TDRKH: variants seen among roughly 807,000 people sequenced by gnomAD.
The protein encoded by TDRKH is tudor and KH domain containing, also known as tudor and KH domain-containing protein.
In TDRKH, 28 loss-of-function variants were observed where a neutral mutation model predicts 61.3. The ratio of observed to expected loss-of-function variants is 0.46; its 90% CI spans 0.34 to 0.63. The LOEUF (loss-of-function observed/expected upper bound fraction) is 0.63, where lower values mean the gene tolerates loss of function less well. Among genes scored for constraint, TDRKH ranks in the 20% least tolerant of loss-of-function variants. The probability of loss-of-function intolerance (pLI) is 0.01; values close to 1 mark genes in which losing one functional copy is unlikely to be tolerated. For missense variants in TDRKH, 540 were observed against 683.4 expected (o/e 0.79, Z 2.34); for synonymous variants, 219 against 244.4 (o/e 0.90, Z 0.97).
At chr1:151,770,971 T>A (rs1180732742), downstream of TDRKH, 1 of 1,473,734 alleles carries the variant, frequency 6.8e-7, no homozygotes, top group Non-Finnish European at 9.0e-7. Context: ...ATGCCTGCAC[T>A]ACACTGCTTC....
chr1:151,786,817 G>A (rs1650358121), intron 1 of TDRKH, among the ~76,000 whole-genome samples: 1 of 152,130 alleles, frequency 6.6e-6, no homozygotes, highest in African/African-American at 2.4e-5. Context: ...TCTATTTTGG[G>A]TCATTAGTTA....
intron 2 of TDRKH, chr1:151,781,857 A>C: frequency 2.2e-6 from 1 of 452,160 alleles, no homozygotes. Flanking sequence ...GTTTGGGCAA[A>C]CTACTTCTCC....
chr1:151,786,042 C>T (rs188193630), intron 1 of TDRKH, among the ~76,000 whole-genome samples: 3 of 152,178 alleles, frequency 2.0e-5, no homozygotes, highest in Admixed American at 2.0e-4. Context: ...ATGTATTTCA[C>T]CCTGGGGGGA....
chr1:151,778,615 C>T, intron 6 of TDRKH, 70 bp downstream of exon 6: 1 of 1,601,888 alleles, frequency 6.2e-7, no homozygotes, highest in South Asian at 1.1e-5. Context: ...GGCATTCCTT[C>T]TAATCTCTCC....
At chr1:151,766,970 G>A, downstream of TDRKH, 1 of 1,425,762 alleles carries the variant, frequency 7.0e-7, no homozygotes, top group Non-Finnish European at 9.7e-7. Flanking sequence ...TTTCCCAAAT[G>A]GCAAGAAATA....
chr1:151,766,672 C>T (rs1475908410), downstream of TDRKH: 1 of 1,550,022 alleles, frequency 6.5e-7, no homozygotes, highest in Admixed American at 2.0e-5. Context: ...AAACCTCTGC[C>T]ACCCACCTGT....
At chr1:151,782,576 G>T (rs1286024783) in intron 2 of TDRKH, among the ~76,000 whole-genome samples, 2 of 152,162 alleles carry the variant, frequency 1.3e-5, no homozygotes. Context: ...CAGGTGGGTT[G>T]CTTGAGCTCA....
chr1:151,772,990 A>G (rs181084414), downstream of TDRKH, among the ~76,000 whole-genome samples: 10 of 151,608 alleles, frequency 6.6e-5, no homozygotes, highest in East Asian at 1.9e-3. Flanking sequence ...CAGCCTCCCA[A>G]ATAGCTGGGA....
At position 151,773,990 on chromosome 1, in the gene TDRKH, T is replaced by C. The variant is rs939902319; in HGVS notation, c.*462A>G. 6 of 159,348 alleles carry C rather than the reference T, an allele frequency of 3.8e-5. No individual in the cohort carries two copies. The highest frequency in any genetic ancestry group is 1.9e-4 in the Admixed American group (3 of 16,210). The allele number at this position is 159,348 out of a possible 1,614,324, so 9.9% of individuals were successfully genotyped here. On this transcript the variant is annotated 3_prime_UTR_variant, in exon 13 of 13. Coordinates refer to ENST00000368824, the MANE Select transcript of TDRKH (RefSeq NM_001083965.2). ...CTGGTAGAGGGGACTGAGCCTGACG[T>C]TGAACGGCCTGGAAGTAACACAGCA... is the stretch of plus-strand genomic sequence containing the variant.
downstream of TDRKH, chr1:151,770,188 G>T (rs762413074): frequency 6.2e-7 from 1 of 1,613,892 alleles, no homozygotes; most frequent in Admixed American, 1.7e-5. Context: ...TGCAACCCTG[G>T]AGTACGTGGA....
chr1:151,786,770 C>T (rs930089986), intron 1 of TDRKH, among the ~76,000 whole-genome samples: 6 of 152,172 alleles, frequency 3.9e-5, no homozygotes, highest in Admixed American at 1.3e-4. Flanking sequence ...TTTTACTACC[C>T]GAGGTGGGGG....
chr1:151,777,719 A>ATTTTT (rs35582886), intron 6 of TDRKH, among the ~76,000 whole-genome samples: 102 of 129,708 alleles, frequency 7.9e-4, no homozygotes, highest in African/African-American at 2.3e-3. Context: ...AAAATAGTTA[A>ATTTTT]TTTTTTTTTT....
chr1:151,781,625 A>T (rs1649828473), intron 2 of TDRKH, 38 bp from the exon 3 acceptor site: 1 of 1,591,414 alleles, frequency 6.3e-7, no homozygotes, highest in African/African-American at 1.3e-5. Flanking sequence ...GACTTAGATA[A>T]CACCCAAAGC....
In TDRKH at chr1:151,778,608, A is replaced by T. The variant is rs781143770; in HGVS notation, c.883+77T>A. Reference sequence around the variant, plus strand: ...TACTGGCTGCTCAGACTGAGAAGGCATTCCTTCTAATCTCTCCAATATCTA... The same window carrying T: ...TACTGGCTGCTCAGACTGAGAAGGCTTTCCTTCTAATCTCTCCAATATCTA... On this transcript the variant is annotated intron_variant, in intron 6 of 12. Coordinates refer to ENST00000368824, the MANE Select transcript of TDRKH (RefSeq NM_001083965.2). 5.4e-5 allele frequency: 85 copies of T among 1,587,830 alleles called. No individual in the cohort carries two copies. In the South Asian group the frequency reaches 6.5e-4, roughly 12 times the overall value.
chr1:151,781,888 A>G (rs1649851300), intron 2 of TDRKH: 1 of 449,994 alleles, frequency 2.2e-6, no homozygotes, highest in Non-Finnish European at 4.2e-6. Flanking sequence ...CTACTGGAGA[A>G]GAATGAAGGC....
chr1:151,783,016 T>C lies in TDRKH; in HGVS notation c.7A>G (p.Thr3Ala), dbSNP rs1229546266. Residue 3 changes from threonine (T) to alanine (A), a missense_variant, in exon 2 of 13, where the codon ACT becomes GCT. Around this residue, in one of 3 missense-constraint regions of TDRKH, gnomAD observed 156 missense variants for 218.0 expected, o/e 0.72. Transcript: ENST00000368824. ...AGGCTTGTCCAAGAAGTCCGTTCAG[T>C]AGACATTTTCTGCTGTACTCTTTGA... is the stretch of plus-strand genomic sequence containing the variant. MS[T>A]ERTSWTSLST... is the part of the protein sequence containing the mutation. 4 of 1,612,794 alleles carry C rather than the reference T, an allele frequency of 2.5e-6. No homozygotes were observed. The highest frequency in any genetic ancestry group is 3.3e-5 in the Admixed American group (2 of 59,750).
Position 151,785,234 on chromosome 1 carries a change from G to A in TDRKH, c.-27-2185C>T, listed in dbSNP as rs151323240. Among the ~76,000 whole-genome samples the A allele has an allele frequency of 6.0e-3, 920 of 152,116 alleles. 7 individuals are homozygous for A. The highest frequency in any genetic ancestry group is 0.02 in the African/African-American group (846 of 41,514). On this transcript the variant is annotated intron_variant, in intron 1 of 12. Transcript: ENST00000368824. ...GGTGTGAACCACTGTGCTCTGCCTC[G>A]ACTGCATTCTCTTACTCCCTTAGTC... is the stretch of plus-strand genomic sequence containing the variant.
intron 6 of TDRKH, among the ~76,000 whole-genome samples, chr1:151,777,090 T>C (rs1214914913): frequency 5.3e-5 from 8 of 152,224 alleles, no homozygotes; most frequent in Admixed American, 5.2e-4. Context: ...ATAGTGATGA[T>C]TTTTAAAAAC....
intron 1 of TDRKH, among the ~76,000 whole-genome samples, chr1:151,787,941 A>ACACCACTG (rs1650497665): frequency 6.6e-6 from 1 of 151,802 alleles, no homozygotes; most frequent in Admixed American, 6.6e-5. Flanking sequence ...TAAACTGATG[A>ACACCACTG]CACCACTGCA....
Sources: allele counts gnomAD v4.1 joint callset (sites outside exome capture counted in the v4.1 genomes callset), GRCh38; gene constraint gnomAD v4.1.1; regional missense constraint gnomAD v4.1.1; transcripts MANE v1.5; gene names NCBI Gene and HGNC (gene_info 2026-07-23, HGNC 2026-07-21).